The following ADH1C variants were observed in gnomAD, a reference collection of about 807,000 sequenced individuals.
ADH1C encodes the protein alcohol dehydrogenase 1C (class I), gamma polypeptide, also known as alcohol dehydrogenase 1C.
A neutral mutation model predicts 35.0 loss-of-function variants in ADH1C; 26 were observed. The observed-to-expected ratio is 0.74, with a 90% CI of 0.54 to 1.03. The LOEUF (loss-of-function observed/expected upper bound fraction) is 1.03, where lower values mean the gene tolerates loss of function less well. ADH1C is among the 50% of genes least tolerant of loss of function. The pLI, the probability that ADH1C is intolerant of heterozygous loss-of-function variation, is 0.00. For synonymous variants in ADH1C, 170 were observed against 169.3 expected, an observed-to-expected ratio of 1.00 and a Z score of -0.03; for missense variants, 413 against 465.4, an observed-to-expected ratio of 0.89 and a Z score of 1.04.
intron 1 of ADH1C, among the ~76,000 whole-genome samples, 199 bp from the exon 2 acceptor site, chr4:99,348,045 G>A (rs1789921): frequency 0.23 from 35,405 of 152,052 alleles, 4,896 homozygotes; most frequent in Non-Finnish European, 0.31. Flanking sequence ...AAGATAAACA[G>A]AGTTAAGTAC....
At chr4:99,340,245 C>A (rs1008605675) in intron 7 of ADH1C, among the ~76,000 whole-genome samples, 1 of 152,040 alleles carries the variant, frequency 6.6e-6, no homozygotes. Context: ...ATAGTGAACC[C>A]TCATCTCTAC....
intron 1 of ADH1C, among the ~76,000 whole-genome samples, chr4:99,349,823 G>C (rs1734634420): frequency 6.6e-6 from 1 of 150,888 alleles, no homozygotes; most frequent in African/African-American, 2.4e-5. Flanking sequence ...GTGTGTGTGT[G>C]TGTGCATTCA....
Position 99,344,851 on chromosome 4 carries a change from G to C in ADH1C, c.567+11C>G. 1 of 1,614,044 alleles carries C rather than the reference G, an allele frequency of 6.2e-7. No individual in the cohort carries two copies. Among genetic ancestry groups the C allele is most frequent in the South Asian group, 1.1e-5 (1 of 91,074 alleles). ...CGTGTAACCGGTTTTATCATCCATT[G>C]TCATTTCTACCTTGGCAACTTTGAC... On this transcript the variant is annotated intron_variant, in intron 5 of 8. Coordinates refer to ENST00000515683, the MANE Select transcript of ADH1C (RefSeq NM_000669.5).
intron 8 of ADH1C, among the ~76,000 whole-genome samples, chr4:99,338,434 TATATATATATAC>T (rs1452168207): frequency 0.062 from 3,968 of 64,354 alleles, 434 homozygotes; most frequent in Non-Finnish European, 0.074. Context: ...TATATATATA[TATATATATATAC>T]ACACTCTTGA....
intron 6 of ADH1C, among the ~76,000 whole-genome samples, chr4:99,341,829 G>A (rs1734422049): frequency 6.6e-6 from 1 of 152,052 alleles, no homozygotes. Flanking sequence ...AGCACTGCAA[G>A]ATTGGAAATA....
At position 99,342,010 on chromosome 4, in the gene ADH1C, CAAA is replaced by C. The variant is rs33982136; in HGVS notation, c.828+782_828+784del. 2.0e-4 allele frequency among the ~76,000 whole-genome samples: 28 copies of C among 138,688 alleles called. 2 individuals carry two copies. The highest frequency in any genetic ancestry group is 1.3e-3 in the Admixed American group (18 of 13,608). The allele number at this position is 138,688 out of a possible 152,430, so 91.0% of individuals were successfully genotyped here. On this transcript the variant is annotated intron_variant, in intron 6 of 8. Transcript: ENST00000515683. ...CTGGTGACAGAGTGAGACCCTGTCT[CAAA>C]AAAAAAAAAAAAATAAATAAATAAA...
intron 7 of ADH1C, 51 bp from the exon 8 acceptor site, chr4:99,339,766 A>C (rs1734371283): frequency 2.0e-6 from 3 of 1,532,552 alleles, no homozygotes; most frequent in Non-Finnish European, 2.7e-6. Flanking sequence ...AAGTAGGAGA[A>C]TTGAAGAGAA....
At chr4:99,352,494 A>G (rs1292142355) in intron 1 of ADH1C, among the ~76,000 whole-genome samples, 164 bp downstream of exon 1, 1 of 152,164 alleles carries the variant, frequency 6.6e-6, no homozygotes, top group Admixed American at 6.5e-5. Flanking sequence ...ATTGCATATC[A>G]TATTCCAGTG....
chr4:99,350,192 G>T (rs951624189), intron 1 of ADH1C, among the ~76,000 whole-genome samples: 2 of 152,170 alleles, frequency 1.3e-5, no homozygotes, highest in Non-Finnish European at 2.9e-5. Flanking sequence ...GTTTCTGATT[G>T]TCAGGTGCCT....
At chr4:99,341,445 C>T (rs1419666549) in intron 6 of ADH1C, among the ~76,000 whole-genome samples, 2 of 152,116 alleles carry the variant, frequency 1.3e-5, no homozygotes, top group Non-Finnish European at 2.9e-5. Context: ...GGCTGTCAGA[C>T]ATTTGGTGTC....
intron 1 of ADH1C, among the ~76,000 whole-genome samples, chr4:99,351,560 C>T (rs138084560): frequency 6.6e-6 from 1 of 151,984 alleles, no homozygotes; most frequent in African/African-American, 2.4e-5. Flanking sequence ...TTTCTTTTTT[C>T]TAATTATTTT....
intron 1 of ADH1C, among the ~76,000 whole-genome samples, chr4:99,348,658 G>C (rs1361540067): frequency 6.6e-6 from 1 of 150,418 alleles, no homozygotes; most frequent in African/African-American, 2.4e-5. Flanking sequence ...GGGATGGCTG[G>C]GTCAAATGGT....
Position 99,342,023 on chromosome 4 carries a change from A to AAAT in ADH1C, c.828+771_828+772insATT, listed in dbSNP as rs1553914194. Among the ~76,000 whole-genome samples, 162 of 142,548 alleles carry AAAT rather than the reference A, an allele frequency of 1.1e-3. 1 individual carries two copies. The highest frequency in any genetic ancestry group is 4.2e-3 in the African/African-American group (161 of 38,120). 93.5% of individuals were successfully genotyped at this position (142,548 alleles called of 152,430 possible). A position where few individuals can be genotyped will look rare whatever the true frequency, so the allele number is the denominator to read the frequency against. On this transcript the variant is annotated intron_variant, in intron 6 of 8. Coordinates refer to ENST00000515683, the MANE Select transcript of ADH1C (RefSeq NM_000669.5). ...GAGACCCTGTCTCAAAAAAAAAAAA[A>AAAT]AAATAAATAAATAAATAAAATAAAA...
chr4:99,337,179 A>C (rs1789898), intron 8 of ADH1C, among the ~76,000 whole-genome samples: 47,466 of 151,994 alleles, frequency 0.31, 8,849 homozygotes, highest in Non-Finnish European at 0.41. Flanking sequence ...CAACCTAAAC[A>C]ATGACGATAG....
chr4:99,337,043 C>T (rs968666106), intron 8 of ADH1C, among the ~76,000 whole-genome samples: 1 of 152,096 alleles, frequency 6.6e-6, no homozygotes, highest in Non-Finnish European at 1.5e-5. Flanking sequence ...TTAGCATCTT[C>T]AAAAAATCAT....
intron 3 of ADH1C, among the ~76,000 whole-genome samples, chr4:99,346,725 C>T (rs1370292630): frequency 6.6e-6 from 1 of 152,070 alleles, no homozygotes. Context: ...CACTGGTAGG[C>T]ACTGTGTCTC....
chr4:99,351,757 A>G (rs936398755), intron 1 of ADH1C, among the ~76,000 whole-genome samples: 1 of 152,200 alleles, frequency 6.6e-6, no homozygotes, highest in African/African-American at 2.4e-5. Context: ...GAGGTGTTTT[A>G]TTGTGTGATA....
Position 99,345,351 on chromosome 4 carries a change from G to A in ADH1C, c.260-85C>T, listed in dbSNP as rs6834363. 977 of 1,316,058 alleles carry A rather than the reference G, an allele frequency of 7.4e-4. 10 individuals carry two copies. In the African/African-American group the frequency reaches 0.013, roughly 17 times the overall value. The allele number at this position is 1,316,058 out of a possible 1,614,324, so 81.5% of individuals were successfully genotyped here. On this transcript the variant is annotated intron_variant, in intron 3 of 8. Coordinates refer to ENST00000515683, the MANE Select transcript of ADH1C (RefSeq NM_000669.5). ...ACTTAACGCTCACATGTATAGATTA[G>A]AATTATGTGTCTGAAAAGTTTCTAA...
chr4:99,342,918 C>T lies in ADH1C; in HGVS notation c.705G>A (p.Glu235=), dbSNP rs373118003. 6.2e-7 allele frequency: 1 copy of T among 1,614,026 alleles called. No individual in the cohort carries two copies. Among genetic ancestry groups the T allele is most frequent in the African/African-American group, 1.3e-5 (1 of 74,902 alleles). Residue 235 remains glutamate (E), a synonymous_variant, in exon 6 of 9, where the codon GAG becomes GAA. Transcript: ENST00000515683. ...INKDKFAKAK[E]LGATECINPQ... is the part of the protein sequence containing the mutation. Reference sequence around the variant, plus strand: ...GGTTGATGCATTCAGTGGCACCCAACTCTTTAGCCTTTGCAAATTTGTCCT... The same window carrying T: ...GGTTGATGCATTCAGTGGCACCCAATTCTTTAGCCTTTGCAAATTTGTCCT...
Sources: gnomAD v4.1 joint callset for allele counts (sites outside exome capture counted in the v4.1 genomes callset) on GRCh38, gnomAD v4.1.1 for gene constraint, MANE v1.5 for transcripts, NCBI Gene and HGNC (gene_info 2026-07-23, HGNC 2026-07-21) for gene names.